The following DENND1A variants were observed in gnomAD, a reference collection of about 807,000 sequenced individuals.
DENND1A encodes the protein DENN domain-containing protein 1A.
In DENND1A, 51 loss-of-function variants were observed where a neutral mutation model predicts 113.7. The ratio of observed to expected loss-of-function variants is 0.45; its 90% CI spans 0.36 to 0.57. The LOEUF (loss-of-function observed/expected upper bound fraction) is 0.57. DENND1A is among the 20% of genes least tolerant of loss of function. The pLI is 0.00. For synonymous variants in DENND1A, 565 were observed against 570.8 expected (o/e 0.99, Z 0.14); for missense variants, 1,258 against 1,395.9 (o/e 0.90, Z 1.57).
At position 123,484,711 on chromosome 9, in the gene DENND1A, C is replaced by T. The variant is rs529931055; in HGVS notation, c.994-26814G>A. Among the ~76,000 whole-genome samples the T allele has an allele frequency of 2.0e-5, 3 of 152,318 alleles. No individual in the cohort carries two copies. In the East Asian group the frequency reaches 5.8e-4, roughly 29 times the overall value. The stretch of plus-strand genomic sequence containing the variant: ...CTCCCCTGAGCCTCTGCTCCTGTTC[C>T]TTCTGTTGTTACTCACATAGTCCTG... On this transcript the variant is annotated intron_variant, in intron 13 of 23. Coordinates refer to ENST00000394215, the MANE Select transcript of DENND1A (RefSeq NM_001352964.2).
chr9:123,469,118 C>A (rs2049188363), intron 13 of DENND1A, among the ~76,000 whole-genome samples: 1 of 152,178 alleles, frequency 6.6e-6, no homozygotes, highest in African/African-American at 2.4e-5. Flanking sequence ...ATGACTCTGG[C>A]TGGGCTGGGT....
At chr9:123,854,704 A>AT (rs397811874) in intron 2 of DENND1A, among the ~76,000 whole-genome samples, 2 of 149,708 alleles carry the variant, frequency 1.3e-5, no homozygotes, top group African/African-American at 5.1e-5. Context: ...CAAAAAAAAA[A>AT]TAAAAATAAA....
chr9:123,663,293 G>C (rs2139753876), intron 8 of DENND1A, among the ~76,000 whole-genome samples: 1 of 152,166 alleles, frequency 6.6e-6, no homozygotes. Flanking sequence ...CATCCCTAAG[G>C]TACTTGTTTA....
chr9:123,656,399 G>A (rs2062948347), intron 8 of DENND1A, among the ~76,000 whole-genome samples: 1 of 152,158 alleles, frequency 6.6e-6, no homozygotes. Flanking sequence ...CAACTAACAG[G>A]CTGCTGCCAT....
rs994967398 is a variant in DENND1A at position 123,848,242 on chromosome 9, A to C, written c.88+30709T>G. Among the ~76,000 whole-genome samples, 931 of 150,348 alleles carry C rather than the reference A, an allele frequency of 6.2e-3. 6 individuals carry two copies. The highest frequency in any genetic ancestry group is 0.019 in the African/African-American group (791 of 40,844). On this transcript the variant is annotated intron_variant, in intron 2 of 23. Transcript: ENST00000394215. ...AGATACTGCTTTAAAAAAAAAAAAA[A>C]AAAAAAAAAAAAAAACAAATTGAAA...
intron 5 of DENND1A, among the ~76,000 whole-genome samples, chr9:123,715,836 C>T (rs1220079231): frequency 6.6e-6 from 1 of 152,068 alleles, no homozygotes; most frequent in Non-Finnish European, 1.5e-5. Context: ...CCACCATGCC[C>T]AACTAATTTT....
chr9:123,662,560 C>CA (rs1252245515), intron 8 of DENND1A, among the ~76,000 whole-genome samples: 1 of 151,704 alleles, frequency 6.6e-6, no homozygotes, highest in Non-Finnish European at 1.5e-5. Flanking sequence ...GAGACTGTCT[C>CA]AAAAAAAGAA....
chr9:123,896,032 C>T (rs948309823), intron 1 of DENND1A, among the ~76,000 whole-genome samples: 20 of 152,134 alleles, frequency 1.3e-4, no homozygotes, highest in Non-Finnish European at 2.9e-4. Context: ...AAAATCTCAA[C>T]AGGCCAGGCA....
chr9:123,707,871 A>G (rs1171433669), intron 5 of DENND1A, among the ~76,000 whole-genome samples: 5 of 152,216 alleles, frequency 3.3e-5, no homozygotes, highest in African/African-American at 1.2e-4. Context: ...TGCTTCCACA[A>G]TAAGGGGAAG....
chr9:123,419,958 G>A (rs886617067), intron 19 of DENND1A, among the ~76,000 whole-genome samples: 9 of 152,222 alleles, frequency 5.9e-5, no homozygotes, highest in African/African-American at 1.9e-4. Context: ...GTCACGTAGC[G>A]TACAGCATGC....
chr9:123,389,145 C>T (rs1025266563), intron 21 of DENND1A, among the ~76,000 whole-genome samples: 3 of 152,254 alleles, frequency 2.0e-5, no homozygotes, highest in Non-Finnish European at 4.4e-5. Context: ...ACAGTGGCTG[C>T]GCAGGGGGAC....
At chr9:123,485,480 C>T (rs1460492612) in intron 13 of DENND1A, 1 of 152,164 alleles carries the variant, frequency 6.6e-6, no homozygotes, top group Non-Finnish European at 1.5e-5. Flanking sequence ...TCATTAAGCT[C>T]TGTAATCTCC....
intron 13 of DENND1A, among the ~76,000 whole-genome samples, chr9:123,505,669 T>C (rs2052863951): frequency 6.6e-6 from 1 of 152,214 alleles, no homozygotes; most frequent in Non-Finnish European, 1.5e-5. Context: ...ATGCTTTGTT[T>C]ATCAGCCCTG....
chr9:123,823,592 G>A (rs1177120716), intron 2 of DENND1A, among the ~76,000 whole-genome samples: 1 of 152,164 alleles, frequency 6.6e-6, no homozygotes, highest in Non-Finnish European at 1.5e-5. Context: ...GGAGTAAAAG[G>A]TAGCGAAAAG....
At chr9:123,697,367 G>A (rs1442709350) in intron 5 of DENND1A, among the ~76,000 whole-genome samples, 1 of 152,078 alleles carries the variant, frequency 6.6e-6, no homozygotes, top group Admixed American at 6.5e-5. Context: ...CAACTTTTTT[G>A]TTGTTGTTAT....
intron 19 of DENND1A, among the ~76,000 whole-genome samples, chr9:123,431,827 C>G (rs2046154735): frequency 1.3e-5 from 2 of 152,174 alleles, no homozygotes; most frequent in African/African-American, 4.8e-5. Flanking sequence ...CATCCCAACA[C>G]CTAGCACATA....
intron 13 of DENND1A, among the ~76,000 whole-genome samples, chr9:123,524,870 C>T (rs768535053): frequency 2.6e-5 from 4 of 152,192 alleles, no homozygotes; most frequent in Non-Finnish European, 5.9e-5. Context: ...CGCCTACCTC[C>T]GACTTAGCTA....
chr9:123,671,413 G>A, intron 6 of DENND1A, 42 bp from the exon 7 acceptor site: 1 of 1,602,986 alleles, frequency 6.2e-7, no homozygotes, highest in African/African-American at 1.3e-5. Context: ...GCAAGGCTGA[G>A]CCCTTAGTAA....
At chr9:123,799,474 C>T (rs1430544452) in intron 2 of DENND1A, among the ~76,000 whole-genome samples, 1 of 152,106 alleles carries the variant, frequency 6.6e-6, no homozygotes, top group Admixed American at 6.5e-5. Flanking sequence ...TACCATGGGG[C>T]TTGGTAAGTG....
Sources: allele counts gnomAD v4.1 joint callset (sites outside exome capture counted in the v4.1 genomes callset), GRCh38; gene constraint gnomAD v4.1.1; transcripts MANE v1.5; gene names NCBI Gene and HGNC (gene_info 2026-07-23, HGNC 2026-07-21).